Variants in ACOT12 observed in about 807,000 individuals in gnomAD.
ACOT12 encodes acetyl-coenzyme A thioesterase.
In ACOT12, 51 loss-of-function variants were observed where a neutral mutation model predicts 67.7. The ratio of observed to expected loss-of-function variants is 0.75; its 90% CI spans 0.60 to 0.95. ACOT12 has a LOEUF of 0.95. Ranked by LOEUF, ACOT12 falls within the 40% of genes least tolerant of loss-of-function variation. The pLI, the probability that ACOT12 is intolerant of heterozygous loss-of-function variation, is 0.00. For missense variants in ACOT12, 734 were observed against 708.1 expected (o/e 1.04, Z -0.41); for synonymous variants, 251 against 244.6 (o/e 1.03, Z -0.24).
chr5:81,321,456 G>T, the ACOT12 span, among the ~76,000 whole-genome samples: 3 of 152,078 alleles, frequency 2.0e-5, no homozygotes, highest in Non-Finnish European at 2.9e-5. Flanking sequence ...TGAATTTGGG[G>T]AGGATATAAC....
chr5:81,339,136 A>G (rs987735789), intron 11 of ACOT12, among the ~76,000 whole-genome samples: 5 of 152,220 alleles, frequency 3.3e-5, no homozygotes, highest in African/African-American at 7.2e-5. Context: ...TGTACCATCT[A>G]TTGACAAATA....
rs777728923 is a variant in ACOT12 at position 81,351,490 on chromosome 5, A to G, written c.497-3560T>C. On this transcript the variant is annotated intron_variant, in intron 5 of 14. Coordinates refer to ENST00000307624, the MANE Select transcript of ACOT12 (RefSeq NM_130767.3). ...CTCATATTTGACAAAGGTGCCAAGAACATACATTGGGGAAAGGACAATCTC... is the reference window on the plus strand; with the variant it reads ...CTCATATTTGACAAAGGTGCCAAGAGCATACATTGGGGAAAGGACAATCTC... Among the ~76,000 whole-genome samples the G allele has an allele frequency of 9.8e-5, 15 of 152,354 alleles. 1 individual carries two copies. In the South Asian group the frequency reaches 2.1e-3, roughly 21 times the overall value.
chr5:81,358,797 C>T (rs376307728), intron 5 of ACOT12, among the ~76,000 whole-genome samples: 189 of 151,708 alleles, frequency 1.2e-3, no homozygotes, highest in African/African-American at 4.2e-3. Context: ...TGCAGTGAGC[C>T]GAGTTTGCAC....
chr5:81,308,641 GAT>G, the ACOT12 span: 1 of 1,613,838 alleles, frequency 6.2e-7, no homozygotes, highest in African/African-American at 1.3e-5. Context: ...TGGGCACTGG[GAT>G]ATGTTACAGG....
At chr5:81,356,288 G>A (rs1759711841) in intron 5 of ACOT12, among the ~76,000 whole-genome samples, 1 of 152,146 alleles carries the variant, frequency 6.6e-6, no homozygotes. Context: ...CACTTCCTGG[G>A]ACGCAGTTGA....
At chr5:81,350,960 C>A (rs1759535094) in intron 5 of ACOT12, among the ~76,000 whole-genome samples, 1 of 152,230 alleles carries the variant, frequency 6.6e-6, no homozygotes, top group Non-Finnish European at 1.5e-5. Flanking sequence ...TCCTCCAGGA[C>A]AAATGCCAGC....
intron 7 of ACOT12, among the ~76,000 whole-genome samples, chr5:81,345,463 AAAT>A (rs2153849297): frequency 6.6e-6 from 1 of 152,210 alleles, no homozygotes; most frequent in East Asian, 1.9e-4. Context: ...TTTAAAAAGA[AAAT>A]AATACTAAAT....
At chr5:81,329,064 G>C (rs1271421637), downstream of ACOT12, among the ~76,000 whole-genome samples, 2 of 152,142 alleles carry the variant, frequency 1.3e-5, no homozygotes, top group African/African-American at 2.4e-5. Flanking sequence ...TTGTCAATTA[G>C]AGTGGGCAAC....
At chr5:81,383,936 A>T (rs1760656759) in intron 2 of ACOT12, among the ~76,000 whole-genome samples, 1 of 152,058 alleles carries the variant, frequency 6.6e-6, no homozygotes, top group Admixed American at 6.5e-5. Flanking sequence ...AATTAAAGAA[A>T]GAAAAATATT....
rs748042477 is a variant in ACOT12 at position 81,335,789 on chromosome 5, G to A, written c.1241C>T (p.Pro414Leu). Residue 414 changes from proline (P) to leucine (L), a missense_variant, in exon 12 of 15, where the codon CCT (proline) becomes CTT (leucine). Coordinates refer to ENST00000307624, the MANE Select transcript of ACOT12 (RefSeq NM_130767.3). Reference sequence around the variant, plus strand: ...TTACACAAAATGGGGGTCCCACAAAGGTCGCTTTGTAAAGTCAGACAAGAG... The same window carrying A: ...TTACACAAAATGGGGGTCCCACAAAAGTCGCTTTGTAAAGTCAGACAAGAG... ...YRLLSDFTKR[P>L]LWDPHFVSCE... The A allele has an allele frequency of 1.2e-6, 2 of 1,611,376 alleles. No individual in the cohort carries two copies. Among genetic ancestry groups the A allele is most frequent in the Non-Finnish European group, 8.5e-7 (1 of 1,179,356 alleles).
At chr5:81,343,912 A>G (rs1233106891) in intron 9 of ACOT12, 31 bp from the exon 10 acceptor site, 4 of 1,587,546 alleles carry the variant, frequency 2.5e-6, no homozygotes, top group Non-Finnish European at 3.5e-6. Context: ...GTTAAATGAC[A>G]GTTTTTTTCT....
the ACOT12 span, chr5:81,313,184 C>T: frequency 1.3e-5 from 2 of 152,120 alleles, no homozygotes; most frequent in African/African-American, 2.4e-5. Flanking sequence ...ACTTGATTCT[C>T]GATTGAAATA....
chr5:81,334,346 G>A (rs984475052), intron 12 of ACOT12, among the ~76,000 whole-genome samples: 1 of 152,142 alleles, frequency 6.6e-6, no homozygotes, highest in South Asian at 2.1e-4. Context: ...CACACCCACC[G>A]GGGCTTCAGA....
intron 2 of ACOT12, among the ~76,000 whole-genome samples, chr5:81,374,858 C>T (rs1455774992): frequency 5.3e-5 from 8 of 152,136 alleles, no homozygotes; most frequent in South Asian, 2.1e-4. Context: ...ACTAAATCTA[C>T]GTTGGTTTGG....
chr5:81,385,962 C>T, intron 1 of ACOT12, 136 bp from the exon 2 acceptor site: 1 of 726,554 alleles, frequency 1.4e-6, no homozygotes, highest in Admixed American at 2.3e-5. Context: ...TGTGCCTACA[C>T]TTTCTGGATC....
chr5:81,311,063 G>A, the ACOT12 span: 2 of 763,768 alleles, frequency 2.6e-6, no homozygotes, highest in Admixed American at 4.1e-5. Context: ...GAATTAATAG[G>A]AATAGTGGCA....
At chr5:81,323,830 A>ATATATG in the ACOT12 span, among the ~76,000 whole-genome samples, 12 of 146,410 alleles carry the variant, frequency 8.2e-5, no homozygotes, top group South Asian at 6.5e-4. Flanking sequence ...TGTATAAAAT[A>ATATATG]TATATGTATA....
chr5:81,331,035 GA>G lies in ACOT12; in HGVS notation c.1392-96del, dbSNP rs370794598. The G allele has an allele frequency of 8.8e-4, 1,191 of 1,354,840 alleles. 10 individuals carry two copies. The African/African-American group carries it at 0.016, about 18-fold the overall frequency. The allele number at this position is 1,354,840 out of a possible 1,614,324, so 83.9% of individuals were successfully genotyped here. A position where few individuals can be genotyped will look rare whatever the true frequency, so the allele number is the denominator to read the frequency against. On this transcript the variant is annotated intron_variant, in intron 13 of 14. Transcript: ENST00000307624. ...TTAACCCAATTTACTTATACAGGTA[GA>G]AGTGAAACTATGAAGGCCCAGATCT...
At chr5:81,312,285 T>C in the ACOT12 span, among the ~76,000 whole-genome samples, 310 of 152,318 alleles carry the variant, frequency 2.0e-3, 2 homozygotes, top group African/African-American at 7.1e-3. Flanking sequence ...TGGGAAAGAA[T>C]GAAAGAGCTT....
Sources: allele counts gnomAD v4.1 joint callset (sites outside exome capture counted in the v4.1 genomes callset), GRCh38; gene constraint gnomAD v4.1.1; transcripts MANE v1.5; gene names NCBI Gene and HGNC (gene_info 2026-07-23, HGNC 2026-07-21).